Variants in PAWR observed in about 807,000 individuals in gnomAD.
PAWR encodes pro-apoptotic WT1 regulator, also known as PRKC apoptosis WT1 regulator protein.
In PAWR, 23 loss-of-function variants were observed where a neutral mutation model predicts 32.0. The observed-to-expected ratio is 0.72, with a 90% CI of 0.52 to 1.02. The LOEUF (loss-of-function observed/expected upper bound fraction) is 1.02. Ranked by LOEUF, PAWR falls within the 50% of genes least tolerant of loss-of-function variation. PAWR has a pLI of 0.00. For synonymous variants in PAWR, 226 were observed against 187.1 expected (o/e 1.21, Z -1.70); for missense variants, 457 against 437.7 (o/e 1.04, Z -0.39).
chr12:79,680,004 T>C (rs915312924), intron 2 of PAWR, among the ~76,000 whole-genome samples: 7 of 152,230 alleles, frequency 4.6e-5, no homozygotes, highest in African/African-American at 1.7e-4. Flanking sequence ...GTTTTCTATG[T>C]TTTTACAACG....
In PAWR at chr12:79,589,719, C is replaced by T. The variant is rs1246990263; in HGVS notation, c.*2888G>A. 2.0e-5 allele frequency: 3 copies of T among 152,050 alleles called. No individual in the cohort carries two copies. The highest frequency in any genetic ancestry group is 3.8e-4 in the East Asian group (2 of 5,196). 9.4% of individuals were successfully genotyped at this position (152,050 alleles called of 1,614,324 possible). A position where few individuals can be genotyped will look rare whatever the true frequency, so the allele number is the denominator to read the frequency against. ...TCTTCAATTAATTCATTTCAGAAATCAAGGAGGCAAGTCATGTTCATTTTA... is the reference window on the plus strand; with the variant it reads ...TCTTCAATTAATTCATTTCAGAAATTAAGGAGGCAAGTCATGTTCATTTTA... On this transcript the variant is annotated 3_prime_UTR_variant, in exon 7 of 7. Coordinates refer to ENST00000328827, the MANE Select transcript of PAWR (RefSeq NM_002583.4).
chr12:79,661,896 A>G (rs1406092882), intron 2 of PAWR, among the ~76,000 whole-genome samples: 1 of 152,150 alleles, frequency 6.6e-6, no homozygotes, highest in Non-Finnish European at 1.5e-5. Flanking sequence ...GGTAAAATGG[A>G]AAAGTAACAA....
intron 2 of PAWR, among the ~76,000 whole-genome samples, chr12:79,647,432 A>G (rs932197833): frequency 6.6e-6 from 1 of 152,196 alleles, no homozygotes; most frequent in Non-Finnish European, 1.5e-5. Context: ...GACCACAGAC[A>G]TGCTTTTTCA....
In PAWR at chr12:79,670,863, CT is replaced by C. The variant is rs899412523; in HGVS notation, c.516+18865del. Among the ~76,000 whole-genome samples, 29 of 148,144 alleles carry C rather than the reference CT, an allele frequency of 2.0e-4. 1 individual carries two copies. Among genetic ancestry groups the C allele is most frequent in the African/African-American group, 4.4e-4 (18 of 40,540 alleles). On this transcript the variant is annotated intron_variant, in intron 2 of 6. Transcript: ENST00000328827. Reference sequence around the variant, plus strand: ...TTTCCATATCAGAATATGTTTGCCACTTTTTTTTTAGGGGTTTTTTTTTTTC... The same window carrying C: ...TTTCCATATCAGAATATGTTTGCCACTTTTTTTTAGGGGTTTTTTTTTTTC...
chr12:79,670,168 C>T (rs1351349135), intron 2 of PAWR, among the ~76,000 whole-genome samples: 1 of 151,946 alleles, frequency 6.6e-6, no homozygotes, highest in Non-Finnish European at 1.5e-5. Context: ...ATTGTTTTTC[C>T]CCCATTTTAA....
At chr12:79,659,073 G>T (rs1309671442) in intron 2 of PAWR, among the ~76,000 whole-genome samples, 1 of 151,910 alleles carries the variant, frequency 6.6e-6, no homozygotes, top group East Asian at 1.9e-4. Context: ...CAAGGCAGGC[G>T]GATCACAAAC....
rs1275840702 is a variant in PAWR, at chr12:79,590,373, G to T, written c.*2234C>A. The T allele has an allele frequency of 6.6e-6, 1 of 151,918 alleles. No homozygotes were observed. Among genetic ancestry groups the T allele is most frequent in the Non-Finnish European group, 1.5e-5 (1 of 68,022 alleles). 9.4% of individuals were successfully genotyped at this position (151,918 alleles called of 1,614,324 possible). On this transcript the variant is annotated 3_prime_UTR_variant, in exon 7 of 7. Coordinates refer to ENST00000328827, the MANE Select transcript of PAWR (RefSeq NM_002583.4). ...TGCGCCACCACACCTGGCTAATTTT[G>T]TATTTTTAGTAGAGACGGGGTTTCT...
Position 79,587,305 on chromosome 12 carries a change from G to A in PAWR, c.*5302C>T, listed in dbSNP as rs1313556252. 4.6e-5 allele frequency: 7 copies of A among 152,040 alleles called. No homozygotes were observed. Among genetic ancestry groups the A allele is most frequent in the African/African-American group, 1.7e-4 (7 of 41,418 alleles). 9.4% of individuals were successfully genotyped at this position (152,040 alleles called of 1,614,324 possible). Reference sequence around the variant, plus strand: ...GATTTAGAGTTCTAGAAGTAGAGAAGACTGATTAGCTTGTGCCTGTGTATG... The same window carrying A: ...GATTTAGAGTTCTAGAAGTAGAGAAAACTGATTAGCTTGTGCCTGTGTATG... On this transcript the variant is annotated 3_prime_UTR_variant, in exon 7 of 7. Coordinates refer to ENST00000328827, the MANE Select transcript of PAWR (RefSeq NM_002583.4).
chr12:79,674,119 A>G (rs1181910218), intron 2 of PAWR, among the ~76,000 whole-genome samples: 1 of 152,196 alleles, frequency 6.6e-6, no homozygotes. Context: ...CAAAAAGAAC[A>G]AAGCTGGAGG....
chr12:79,645,070 A>G (rs1360562951), intron 2 of PAWR, among the ~76,000 whole-genome samples: 1 of 151,590 alleles, frequency 6.6e-6, no homozygotes, highest in Non-Finnish European at 1.5e-5. Context: ...ACACACACAA[A>G]AATCAATGTG....
Position 79,587,450 on chromosome 12 carries a change from C to A in PAWR, c.*5157G>T, listed in dbSNP as rs1427403798. The A allele has an allele frequency of 6.6e-6, 1 of 152,012 alleles. No homozygotes were observed. Among genetic ancestry groups the A allele is most frequent in the African/African-American group, 2.4e-5 (1 of 41,418 alleles). 9.4% of individuals were successfully genotyped at this position (152,012 alleles called of 1,614,324 possible). A position where few individuals can be genotyped will look rare whatever the true frequency, so the allele number is the denominator to read the frequency against. On this transcript the variant is annotated 3_prime_UTR_variant, in exon 7 of 7. Coordinates refer to ENST00000328827, the MANE Select transcript of PAWR (RefSeq NM_002583.4). ...TTTGAAGGACCTGAAATTCTTTGGACACCATCAGATTTAGTTTATAAGAGT... is the reference window on the plus strand; with the variant it reads ...TTTGAAGGACCTGAAATTCTTTGGAAACCATCAGATTTAGTTTATAAGAGT...
At chr12:79,625,693 A>G (rs1162083427) in intron 2 of PAWR, among the ~76,000 whole-genome samples, 1 of 151,856 alleles carries the variant, frequency 6.6e-6, no homozygotes, top group Non-Finnish European at 1.5e-5. Context: ...GGTGGTGGGC[A>G]CCTGTAGTCC....
intron 3 of PAWR, among the ~76,000 whole-genome samples, chr12:79,617,212 C>G (rs947062955): frequency 3.9e-5 from 6 of 152,034 alleles, no homozygotes; most frequent in African/African-American, 1.5e-4. Context: ...ATTAGCTGGG[C>G]CTGGAGGCAA....
intron 2 of PAWR, among the ~76,000 whole-genome samples, chr12:79,664,227 C>T (rs1181637777): frequency 6.6e-6 from 1 of 151,968 alleles, no homozygotes; most frequent in East Asian, 1.9e-4. Context: ...GCAACTAGAC[C>T]CCAACTTTTT....
intron 2 of PAWR, among the ~76,000 whole-genome samples, chr12:79,666,093 T>C (rs377457902): frequency 5.9e-5 from 9 of 152,294 alleles, no homozygotes; most frequent in South Asian, 2.1e-4. Context: ...ACCTCTAAGA[T>C]ACAAACTGCA....
chr12:79,667,391 T>C (rs1394672732), intron 2 of PAWR, among the ~76,000 whole-genome samples: 1 of 152,196 alleles, frequency 6.6e-6, no homozygotes, highest in African/African-American at 2.4e-5. Flanking sequence ...AGTTTAAATC[T>C]AAATTTACCA....
At chr12:79,610,762 T>TAAAAAA (rs1197221659) in intron 4 of PAWR, among the ~76,000 whole-genome samples, 13 of 88,916 alleles carry the variant, frequency 1.5e-4, no homozygotes, top group African/African-American at 1.2e-4. Flanking sequence ...TACCAAAAAT[T>TAAAAAA]AAAAAAAAAA....
chr12:79,648,189 A>G (rs149547273), intron 2 of PAWR, among the ~76,000 whole-genome samples: 1 of 152,316 alleles, frequency 6.6e-6, no homozygotes, highest in East Asian at 1.9e-4. Context: ...TATAAAATCC[A>G]TAAAGTAAAT....
intron 2 of PAWR, chr12:79,632,312 CATATATATATATATATATATATAT>C (rs71091677): frequency 2.6e-4 from 3 of 11,602 alleles, no homozygotes; most frequent in Non-Finnish European, 2.5e-4. Flanking sequence ...TATATACATA[CATATATATATATATATATATATAT>C]ATATATATAT....
Sources: allele counts gnomAD v4.1 joint callset (sites outside exome capture counted in the v4.1 genomes callset), GRCh38; gene constraint gnomAD v4.1.1; transcripts MANE v1.5; gene names NCBI Gene and HGNC (gene_info 2026-07-23, HGNC 2026-07-21).